The following IRS1 variants were observed in gnomAD, a reference collection of about 807,000 sequenced individuals.
IRS1 encodes insulin receptor substrate 1.
IRS1 carries 34 observed loss-of-function variants against 65.6 expected under a neutral mutation model. The ratio of observed to expected loss-of-function variants is 0.52; its 90% CI spans 0.39 to 0.69. The LOEUF is 0.69. IRS1 is among the 30% of genes least tolerant of loss of function. The pLI is 0.00. For synonymous variants in IRS1, 699 were observed against 683.5 expected, an observed-to-expected ratio of 1.02 and a Z score of -0.35; for missense variants, 1,641 against 1,720.2, an observed-to-expected ratio of 0.95 and a Z score of 0.81.
chr2:226,796,132 G>T lies in IRS1; in HGVS notation c.2607C>A (p.Ser869Arg), dbSNP rs1374984690. The change falls in exon 1 of 2, where the codon AGC becomes AGA. Residue 869 changes from serine (S) to arginine (R), a missense_variant. Coordinates refer to ENST00000305123, the MANE Select transcript of IRS1 (RefSeq NM_005544.3). ...TRLSLGDPKA[S>R]TLPRAREQQQ... ...GCTGCTCTCGGGCCCGAGGTAAGGT[G>T]CTGGCCTTGGGATCCCCCAGGGACA... 7 of 1,613,724 alleles carry T rather than the reference G, an allele frequency of 4.3e-6. No homozygotes were observed. The highest frequency in any genetic ancestry group is 5.9e-6 in the Non-Finnish European group (7 of 1,180,040).
intron 1 of IRS1, among the ~76,000 whole-genome samples, chr2:226,791,811 G>A (rs1216025853): frequency 6.6e-6 from 1 of 152,018 alleles, no homozygotes; most frequent in Non-Finnish European, 1.5e-5. Flanking sequence ...TCGCCCGCCA[G>A]CGCCGACCAC....
intron 1 of IRS1, among the ~76,000 whole-genome samples, chr2:226,786,646 A>AC (rs1559156484): frequency 2.6e-5 from 4 of 151,106 alleles, no homozygotes; most frequent in Non-Finnish European, 2.9e-5. Context: ...CTTAAAAAAA[A>AC]AAAAACAAAA....
At position 226,735,851 on chromosome 2, in the gene IRS1, A is replaced by G. The variant is rs1343598775; in HGVS notation, c.*421T>C. On this transcript the variant is annotated 3_prime_UTR_variant, in exon 2 of 2. Transcript: ENST00000305123. The stretch of plus-strand genomic sequence containing the variant: ...CTCCACCCAACGTGAACAGTTTTGT[A>G]TGAAATAATTTACAATGATGCTTTG... The G allele has an allele frequency of 1.3e-5, 2 of 152,682 alleles. No homozygotes were observed. The highest frequency in any genetic ancestry group is 6.5e-5 in the Admixed American group (1 of 15,284). 9.5% of individuals were successfully genotyped at this position (152,682 alleles called of 1,614,324 possible).
intron 1 of IRS1, among the ~76,000 whole-genome samples, chr2:226,780,253 A>T (rs1253002780): frequency 6.6e-6 from 1 of 151,998 alleles, no homozygotes; most frequent in African/African-American, 2.4e-5. Context: ...TTAGCTGGGC[A>T]TGGTGGCAGG....
At position 226,799,270 on chromosome 2, in the gene IRS1, C is replaced by T. The variant is rs1939839265; in HGVS notation, c.-532G>A. 8.6e-7 allele frequency: 1 copy of T among 1,160,624 alleles called. No individual in the cohort carries two copies. Among genetic ancestry groups the T allele is most frequent in the Admixed American group, 3.8e-5 (1 of 26,120 alleles). The allele number at this position is 1,160,624 out of a possible 1,614,324, so 71.9% of individuals were successfully genotyped here. A position where few individuals can be genotyped will look rare whatever the true frequency, so the allele number is the denominator to read the frequency against. ...AACGTTGCACGGGGTTCTCCCTCCT[C>T]CTTCGCCTCCTCCCACCCCCCAACC... On this transcript the variant is annotated 5_prime_UTR_variant, in exon 1 of 2. Transcript: ENST00000305123. The surrounding 1 kb of genome is among the most constrained non-coding windows in gnomAD (Gnocchi z 6.1).
chr2:226,772,718 A>G (rs549300209), intron 1 of IRS1, among the ~76,000 whole-genome samples: 5 of 152,162 alleles, frequency 3.3e-5, no homozygotes, highest in African/African-American at 1.2e-4. Context: ...CTTATAGAAG[A>G]TGATTACAAG....
At chr2:226,754,110 C>A (rs1448437071) in intron 1 of IRS1, among the ~76,000 whole-genome samples, 1 of 152,182 alleles carries the variant, frequency 6.6e-6, no homozygotes, top group Non-Finnish European at 1.5e-5. Context: ...TCCCAAAGTG[C>A]CAAGATTATA....
intron 1 of IRS1, among the ~76,000 whole-genome samples, chr2:226,774,607 G>A (rs540804486): frequency 1.3e-5 from 2 of 152,260 alleles, no homozygotes; most frequent in South Asian, 2.1e-4. Flanking sequence ...TAAGAATGAT[G>A]AGTAAAACCT....
In IRS1 at chr2:226,797,606, G is replaced by C; in HGVS notation, c.1133C>G (p.Pro378Arg). ...GGCCGAAGGCGAGCAGCGGGAAGCC[G>C]GCATGGGGATGGAGCGGCTGTGGTT... is the stretch of plus-strand genomic sequence containing the variant. ...PLNHSRSIPM[P>R]ASRCSPSATS... Residue 378 changes from proline (P) to arginine (R), a missense_variant, in exon 1 of 2, where the codon CCG (proline) becomes CGG (arginine). Pro to Arg is a moderately radical substitution (Grantham distance 103). Around this residue, in one of 3 missense-constraint regions of IRS1, gnomAD observed 1,324 missense variants for 1,361.0 expected, o/e 0.97. Coordinates refer to ENST00000305123, the MANE Select transcript of IRS1 (RefSeq NM_005544.3). This position sits in a 1 kb window ranked among gnomAD's most constrained non-coding sequence, Gnocchi z 8.1. 6.3e-7 allele frequency: 1 copy of C among 1,588,610 alleles called. No homozygotes were observed.
intron 1 of IRS1, among the ~76,000 whole-genome samples, chr2:226,767,707 G>GA (rs1171885970): frequency 6.6e-6 from 1 of 152,186 alleles, no homozygotes; most frequent in Non-Finnish European, 1.5e-5. Context: ...GACTAAAAAA[G>GA]AAACCTTTTG....
At chr2:226,753,302 A>C (rs1938719974) in intron 1 of IRS1, among the ~76,000 whole-genome samples, 1 of 152,198 alleles carries the variant, frequency 6.6e-6, no homozygotes, top group South Asian at 2.1e-4. Flanking sequence ...TAAACTTATA[A>C]TTTTAATCAC....
At position 226,797,476 on chromosome 2, in the gene IRS1, G is replaced by A. The variant is rs980125966; in HGVS notation, c.1263C>T (p.Ser421=). The change falls in exon 1 of 2, where the codon AGC becomes AGT. Residue 421 remains serine (S), a synonymous_variant. Coordinates refer to ENST00000305123, the MANE Select transcript of IRS1 (RefSeq NM_005544.3). The surrounding 1 kb of genome is among the most constrained non-coding windows in gnomAD (Gnocchi z 8.1). ...CATCCGAGGAGATGAAACCGCCATCGCTGGGGGAACCAGACACCGAAGCAC... is the reference window on the plus strand; with the variant it reads ...CATCCGAGGAGATGAAACCGCCATCACTGGGGGAACCAGACACCGAAGCAC... ...RSSASVSGSP[S]DGGFISSDEY... 3.7e-6 allele frequency: 6 copies of A among 1,613,530 alleles called. No homozygotes were observed. The African/African-American group carries it at 5.3e-5, about 14-fold the overall frequency.
chr2:226,785,392 C>G (rs980033969), intron 1 of IRS1, among the ~76,000 whole-genome samples: 1 of 152,004 alleles, frequency 6.6e-6, no homozygotes, highest in South Asian at 2.1e-4. Flanking sequence ...CACTTGAGGT[C>G]AGGAGTCTGA....
intron 1 of IRS1, among the ~76,000 whole-genome samples, chr2:226,779,025 TAATTC>T (rs932663325): frequency 6.6e-6 from 1 of 152,358 alleles, no homozygotes; most frequent in Admixed American, 6.5e-5. Flanking sequence ...TTCACAGTTG[TAATTC>T]AAGAACTTAG....
rs962422791 is a variant in IRS1 at position 226,732,865 on chromosome 2, G to C, written c.*3407C>G. 1 of 152,080 alleles carries C rather than the reference G, an allele frequency of 6.6e-6. No homozygotes were observed. The allele number at this position is 152,080 out of a possible 1,614,324, so 9.4% of individuals were successfully genotyped here. On this transcript the variant is annotated 3_prime_UTR_variant, in exon 2 of 2. Transcript: ENST00000305123. ...ATTCTTCTTCCCATTCCTACCAAAA[G>C]GGTCACATCTCTCCCCGCCAAGGTC...
chr2:226,766,011 C>G (rs377344280), intron 1 of IRS1, among the ~76,000 whole-genome samples: 1 of 148,154 alleles, frequency 6.7e-6, no homozygotes, highest in East Asian at 2.0e-4. Flanking sequence ...TTTTCCTTCA[C>G]GTTTCAACTT....
At chr2:226,748,428 C>CAAA (rs748065097) in intron 1 of IRS1, among the ~76,000 whole-genome samples, 10 of 49,506 alleles carry the variant, frequency 2.0e-4, no homozygotes, top group South Asian at 7.1e-4. Flanking sequence ...GACTCTGTCT[C>CAAA]AAAAAAAAAA....
rs529620457 is a variant in IRS1 at position 226,781,577 on chromosome 2, G to A, written c.*21+13412C>T. Among the ~76,000 whole-genome samples the A allele has an allele frequency of 9.8e-4, 149 of 152,218 alleles. 1 individual carries two copies. The highest frequency in any genetic ancestry group is 6.8e-3 in the Middle Eastern group (2 of 294). On this transcript the variant is annotated intron_variant, in intron 1 of 1. Coordinates refer to ENST00000305123, the MANE Select transcript of IRS1 (RefSeq NM_005544.3). Reference sequence around the variant, plus strand: ...CATGAGCCCATCTAACTAATACAGCGTGGTGGGAAGCAGGCTTTGAAGACA... The same window carrying A: ...CATGAGCCCATCTAACTAATACAGCATGGTGGGAAGCAGGCTTTGAAGACA...
chr2:226,756,959 T>TA (rs1938815944), intron 1 of IRS1, among the ~76,000 whole-genome samples: 2 of 145,250 alleles, frequency 1.4e-5, no homozygotes, highest in East Asian at 2.0e-4. Flanking sequence ...AGACTCCGTC[T>TA]AATAAATAAA....
Sources: allele counts gnomAD v4.1 joint callset (sites outside exome capture counted in the v4.1 genomes callset), GRCh38; gene constraint gnomAD v4.1.1; regional missense constraint gnomAD v4.1.1; non-coding constraint Gnocchi (gnomAD v3.1); transcripts MANE v1.5; gene names NCBI Gene and HGNC (gene_info 2026-07-23, HGNC 2026-07-21).